RUNDC3B: variants seen among roughly 807,000 people sequenced by gnomAD.
The protein encoded by RUNDC3B is RUN domain containing 3B.
RUNDC3B carries 33 observed loss-of-function variants against 58.4 expected under a neutral mutation model. The ratio of observed to expected loss-of-function variants is 0.56; its 90% confidence interval spans 0.43 to 0.75. RUNDC3B has a LOEUF of 0.75. Ranked by LOEUF, RUNDC3B falls within the 30% of genes least tolerant of loss-of-function variation. RUNDC3B has a pLI of 0.00. For synonymous variants in RUNDC3B, 193 were observed against 195.2 expected (o/e 0.99, Z 0.10); for missense variants, 501 against 535.7 (o/e 0.94, Z 0.64).
intron 3 of RUNDC3B, chr7:87,709,498 GTT>G: frequency 1.0e-5 from 10 of 985,382 alleles, no homozygotes; most frequent in Non-Finnish European, 1.2e-5. Context: ...TAAAAGGGAT[GTT>G]GAGCTTGGTA....
intron 8 of RUNDC3B, among the ~76,000 whole-genome samples, chr7:87,803,645 C>T (rs1664200935): frequency 6.6e-6 from 1 of 152,098 alleles, no homozygotes; most frequent in Admixed American, 6.5e-5. Flanking sequence ...GGATGTTTCT[C>T]ATGAAAACTA....
At chr7:87,804,212 A>G (rs1373400182) in intron 8 of RUNDC3B, among the ~76,000 whole-genome samples, 1 of 152,122 alleles carries the variant, frequency 6.6e-6, no homozygotes, top group Non-Finnish European at 1.5e-5. Context: ...AATAATAGGG[A>G]TATAGTTAAT....
In RUNDC3B at chr7:87,775,799, C is replaced by G. The variant is rs1186322226; in HGVS notation, c.799-1999C>G. Among the ~76,000 whole-genome samples the G allele has an allele frequency of 3.3e-5, 5 of 151,992 alleles. No individual in the cohort carries two copies. The East Asian group carries it at 9.6e-4, about 29-fold the overall frequency. On this transcript the variant is annotated intron_variant, in intron 7 of 10. Transcript: ENST00000394654. ...AGTAACATGCTGTACAGGTTTGTAGCCTAGGAACAATAGGCTATACCATCT... is the reference window on the plus strand; with the variant it reads ...AGTAACATGCTGTACAGGTTTGTAGGCTAGGAACAATAGGCTATACCATCT...
chr7:87,799,885 C>CAAAAA (rs763617668), intron 8 of RUNDC3B, among the ~76,000 whole-genome samples: 2 of 59,318 alleles, frequency 3.4e-5, no homozygotes, highest in Non-Finnish European at 7.4e-5. Context: ...GACTCCGTCT[C>CAAAAA]AAAAAAAAAA....
In RUNDC3B at chr7:87,653,850, T is replaced by C. The variant is rs184663861; in HGVS notation, c.238+2913T>C. On this transcript the variant is annotated intron_variant, in intron 2 of 10. Coordinates refer to ENST00000394654, the MANE Select transcript of RUNDC3B (RefSeq NM_001134405.2). ...TTAGTATTGCTCTTAAAAATCTGGT[T>C]CTCAGAGCTGAGTAAAGTGCTTCAG... Among the ~76,000 whole-genome samples, 455 of 152,160 alleles carry C rather than the reference T, an allele frequency of 3.0e-3. 2 individuals are homozygous for C. Among genetic ancestry groups the C allele is most frequent in the African/African-American group, 0.011 (439 of 41,560 alleles).
At chr7:87,779,671 T>C (rs1427161257) in intron 8 of RUNDC3B, among the ~76,000 whole-genome samples, 1 of 152,158 alleles carries the variant, frequency 6.6e-6, no homozygotes, top group Non-Finnish European at 1.5e-5. Context: ...TATTTGCAGG[T>C]TTGTTACATG....
intron 7 of RUNDC3B, among the ~76,000 whole-genome samples, chr7:87,771,680 T>TG (rs1289403008): frequency 6.6e-6 from 1 of 152,122 alleles, no homozygotes; most frequent in Non-Finnish European, 1.5e-5. Context: ...GCCCCAGGGA[T>TG]GGGGGTGAAG....
intron 8 of RUNDC3B, among the ~76,000 whole-genome samples, chr7:87,789,785 T>C (rs1283766576): frequency 6.6e-6 from 1 of 152,182 alleles, no homozygotes; most frequent in African/African-American, 2.4e-5. Context: ...AATTTGATAT[T>C]GATAGTATTT....
In RUNDC3B at chr7:87,628,669, T is replaced by A. The variant is rs1264947354; in HGVS notation, c.-155T>A. 4.8e-6 allele frequency: 2 copies of A among 419,406 alleles called. No homozygotes were observed. The highest frequency in any genetic ancestry group is 4.1e-5 in the African/African-American group (2 of 48,228). 26.0% of individuals were successfully genotyped at this position (419,406 alleles called of 1,614,324 possible). On this transcript the variant is annotated 5_prime_UTR_variant, in exon 1 of 11. Coordinates refer to ENST00000394654, the MANE Select transcript of RUNDC3B (RefSeq NM_001134405.2). ...CGAGCCGTCAGTCCCCGGGTGCGAG[T>A]CCCTGCTGTCTTCCACACCCTTCCT...
chr7:87,773,288 A>C (rs971465725), intron 7 of RUNDC3B, among the ~76,000 whole-genome samples: 13 of 147,990 alleles, frequency 8.8e-5, no homozygotes, highest in Non-Finnish European at 1.5e-4. Context: ...GCGCCACTGC[A>C]CTCCAGCCTG....
At chr7:87,803,230 T>C (rs1339587890) in intron 8 of RUNDC3B, among the ~76,000 whole-genome samples, 3 of 152,116 alleles carry the variant, frequency 2.0e-5, no homozygotes, top group African/African-American at 7.2e-5. Flanking sequence ...CTTTGAAAAA[T>C]AAAACAGCTC....
chr7:87,634,226 C>T (rs1821511612), intron 1 of RUNDC3B, among the ~76,000 whole-genome samples: 6 of 152,100 alleles, frequency 3.9e-5, no homozygotes, highest in Admixed American at 3.9e-4. Flanking sequence ...TCCTGCTAGG[C>T]CCCACCTCCC....
rs776673723 is a variant in RUNDC3B, at chr7:87,831,433, G to A, written c.*1403G>A. The A allele has an allele frequency of 6.6e-6, 1 of 151,838 alleles. No homozygotes were observed. The highest frequency in any genetic ancestry group is 1.5e-5 in the Non-Finnish European group (1 of 67,838). The allele number at this position is 151,838 out of a possible 1,614,324, so 9.4% of individuals were successfully genotyped here. A position where few individuals can be genotyped will look rare whatever the true frequency, so the allele number is the denominator to read the frequency against. ...ATTTAAGATAATAAGTAGTAACAAG[G>A]CAAGTCTTTTATGTAAGACAGTCAA... On this transcript the variant is annotated 3_prime_UTR_variant, in exon 11 of 11. Transcript: ENST00000394654.
At chr7:87,765,655 G>T (rs2130861112) in intron 6 of RUNDC3B, among the ~76,000 whole-genome samples, 1 of 152,058 alleles carries the variant, frequency 6.6e-6, no homozygotes, top group Admixed American at 6.6e-5. Context: ...GGTCTGAGAA[G>T]ATATTTGATA....
intron 4 of RUNDC3B, among the ~76,000 whole-genome samples, chr7:87,730,102 C>A (rs1276450943): frequency 6.6e-6 from 1 of 152,168 alleles, no homozygotes; most frequent in Non-Finnish European, 1.5e-5. Flanking sequence ...TCACCACAGG[C>A]CTTGAGTGAG....
At chr7:87,723,650 GT>G (rs1831036498) in intron 4 of RUNDC3B, among the ~76,000 whole-genome samples, 1 of 152,242 alleles carries the variant, frequency 6.6e-6, no homozygotes, top group Admixed American at 6.5e-5. Flanking sequence ...AGGTAAAAGA[GT>G]TTAAATAATG....
chr7:87,696,287 A>G (rs1828485753), intron 2 of RUNDC3B, among the ~76,000 whole-genome samples: 1 of 152,148 alleles, frequency 6.6e-6, no homozygotes, highest in African/African-American at 2.4e-5. Flanking sequence ...AAAGGAAGTC[A>G]AAGTATTTGA....
intron 6 of RUNDC3B, among the ~76,000 whole-genome samples, chr7:87,744,390 A>AT (rs1476030785): frequency 2.0e-5 from 3 of 151,994 alleles, no homozygotes; most frequent in Non-Finnish European, 4.4e-5. Flanking sequence ...GAGTTTGTAG[A>AT]TTGCTTTTGG....
chr7:87,694,101 T>G (rs1585122053), intron 2 of RUNDC3B: 11 of 599,584 alleles, frequency 1.8e-5, no homozygotes, highest in South Asian at 1.0e-4. Context: ...TGTGTTTTTG[T>G]TTTTTTTTTT....
Sources: gnomAD v4.1 joint callset for allele counts (sites outside exome capture counted in the v4.1 genomes callset) on GRCh38, gnomAD v4.1.1 for gene constraint, MANE v1.5 for transcripts, NCBI Gene and HGNC (gene_info 2026-07-23, HGNC 2026-07-21) for gene names.